The following SCFD2 variants were observed in gnomAD, a reference collection of about 807,000 sequenced individuals.
SCFD2 encodes the protein sec1 family domain containing 2, also known as sec1 family domain-containing protein 2.
SCFD2 carries 54 observed loss-of-function variants against 58.9 expected under a neutral mutation model. The observed-to-expected ratio is 0.92, with a 90% CI of 0.74 to 1.15. The LOEUF is 1.15. Ranked by LOEUF, SCFD2 falls within the 50% of genes most tolerant of loss-of-function variation. SCFD2 has a pLI of 0.00. For synonymous variants in SCFD2, 321 were observed against 335.9 expected, an observed-to-expected ratio of 0.96 and a Z score of 0.49; for missense variants, 805 against 836.6, an observed-to-expected ratio of 0.96 and a Z score of 0.47.
At chr4:53,022,622 G>A (rs1253477294) in intron 5 of SCFD2, among the ~76,000 whole-genome samples, 2 of 152,172 alleles carry the variant, frequency 1.3e-5, no homozygotes, top group African/African-American at 2.4e-5. Context: ...CCTGCTCTGC[G>A]TGGCCTTGGC....
chr4:53,326,091 A>G (rs1733186942), intron 2 of SCFD2, among the ~76,000 whole-genome samples: 1 of 152,194 alleles, frequency 6.6e-6, no homozygotes, highest in Non-Finnish European at 1.5e-5. Flanking sequence ...TTCAGGAAAA[A>G]CATTTCATAG....
chr4:53,271,298 A>G (rs1466934676), intron 4 of SCFD2, among the ~76,000 whole-genome samples: 2 of 150,918 alleles, frequency 1.3e-5, no homozygotes, highest in African/African-American at 4.9e-5. Flanking sequence ...ACATACACAC[A>G]TACAACACAC....
At chr4:53,349,990 C>T (rs370432600) in intron 2 of SCFD2, among the ~76,000 whole-genome samples, 50 of 152,246 alleles carry the variant, frequency 3.3e-4, no homozygotes, top group South Asian at 1.2e-3. Flanking sequence ...TAACTTCCTT[C>T]GTCTTCTATA....
intron 4 of SCFD2, among the ~76,000 whole-genome samples, chr4:53,204,507 T>C (rs1728349212): frequency 6.8e-6 from 1 of 147,650 alleles, no homozygotes; most frequent in Admixed American, 6.8e-5. Context: ...GTTGAGACTA[T>C]CTCCCAGAGG....
At chr4:53,313,832 A>G (rs986632478) in intron 2 of SCFD2, 69 bp from the exon 3 acceptor site, 16 of 1,450,850 alleles carry the variant, frequency 1.1e-5, no homozygotes, top group Admixed American at 1.8e-5. Flanking sequence ...TTGAAAGCAA[A>G]ATACTTTTTA....
At chr4:53,306,705 A>G (rs1732527517) in intron 3 of SCFD2, among the ~76,000 whole-genome samples, 1 of 152,180 alleles carries the variant, frequency 6.6e-6, no homozygotes, top group South Asian at 2.1e-4. Flanking sequence ...ACACTTAACT[A>G]TATCACATCA....
chr4:53,358,335 C>T (rs1734456321), intron 1 of SCFD2, among the ~76,000 whole-genome samples: 1 of 152,012 alleles, frequency 6.6e-6, no homozygotes, highest in South Asian at 2.1e-4. Context: ...TCAAGACCAG[C>T]CTGGCCAACA....
At chr4:53,211,823 T>A (rs993929917) in intron 4 of SCFD2, among the ~76,000 whole-genome samples, 1 of 152,150 alleles carries the variant, frequency 6.6e-6, no homozygotes, top group Non-Finnish European at 1.5e-5. Flanking sequence ...ATTTCTAAGA[T>A]GGTTGATACC....
intron 4 of SCFD2, among the ~76,000 whole-genome samples, chr4:53,164,346 G>C (rs188298390): frequency 6.6e-6 from 1 of 152,050 alleles, no homozygotes; most frequent in South Asian, 2.1e-4. Context: ...AACTCCTTCA[G>C]ACTCCCCTCA....
At chr4:53,010,505 T>C (rs1275760938) in intron 5 of SCFD2, among the ~76,000 whole-genome samples, 1 of 152,222 alleles carries the variant, frequency 6.6e-6, no homozygotes. Context: ...AGCTGCTTCT[T>C]ACACTATAGC....
At chr4:53,330,350 G>C (rs1733399710) in intron 2 of SCFD2, among the ~76,000 whole-genome samples, 1 of 151,858 alleles carries the variant, frequency 6.6e-6, no homozygotes, top group African/African-American at 2.4e-5. Context: ...AGAGAGAAAG[G>C]TCGGGTTACC....
At chr4:53,255,131 A>C (rs1272020936) in intron 4 of SCFD2, among the ~76,000 whole-genome samples, 1 of 151,086 alleles carries the variant, frequency 6.6e-6, no homozygotes, top group African/African-American at 2.4e-5. Context: ...TTGGCCTCCC[A>C]AAGTGCTGGG....
intron 4 of SCFD2, among the ~76,000 whole-genome samples, chr4:53,173,147 A>G (rs1055142164): frequency 6.6e-6 from 1 of 151,794 alleles, no homozygotes; most frequent in Non-Finnish European, 1.5e-5. Flanking sequence ...TATTTTGTCT[A>G]ATATAAGTAC....
At chr4:52,991,871 C>G (rs1017912589) in intron 5 of SCFD2, among the ~76,000 whole-genome samples, 2 of 152,128 alleles carry the variant, frequency 1.3e-5, no homozygotes, top group Non-Finnish European at 2.9e-5. Context: ...ATCTTGAATC[C>G]TTTTGGAATG....
intron 5 of SCFD2, among the ~76,000 whole-genome samples, chr4:53,010,475 C>T (rs1334744779): frequency 6.6e-6 from 1 of 152,160 alleles, no homozygotes. Flanking sequence ...TGCTGAATGT[C>T]AAGGCTGACT....
chr4:53,104,844 G>A (rs6554065), intron 5 of SCFD2, among the ~76,000 whole-genome samples: 125,131 of 152,144 alleles, frequency 0.82, 53,022 homozygotes, highest in Non-Finnish European at 0.92. Context: ...GTCATACAGC[G>A]CAGCCTAATT....
chr4:52,879,432 G>A (rs1282853490), intron 8 of SCFD2, among the ~76,000 whole-genome samples: 1 of 152,232 alleles, frequency 6.6e-6, no homozygotes, highest in Non-Finnish European at 1.5e-5. Flanking sequence ...CACATGTGTT[G>A]CCAACTGCAG....
intron 5 of SCFD2, among the ~76,000 whole-genome samples, chr4:53,032,738 G>A (rs1349124770): frequency 1.1e-4 from 16 of 152,058 alleles, no homozygotes; most frequent in Non-Finnish European, 7.4e-5. Context: ...ATTACATAAC[G>A]GTAAAGGGAT....
intron 5 of SCFD2, among the ~76,000 whole-genome samples, chr4:52,924,656 A>G (rs1008794634): frequency 1.3e-5 from 2 of 152,180 alleles, no homozygotes; most frequent in African/African-American, 2.4e-5. Flanking sequence ...AGCATTTTTC[A>G]TAATCACATC....
Sources: allele counts gnomAD v4.1 joint callset (sites outside exome capture counted in the v4.1 genomes callset), GRCh38; gene constraint gnomAD v4.1.1; transcripts MANE v1.5; gene names NCBI Gene and HGNC (gene_info 2026-07-23, HGNC 2026-07-21).